The following WWOX variants were observed in gnomAD, a reference collection of about 807,000 sequenced individuals.
WWOX encodes WW domain containing oxidoreductase, also known as WW domain-containing oxidoreductase.
Under a neutral mutation model 46.2 loss-of-function variants are expected in WWOX, and 69 were observed. That is an observed-to-expected ratio of 1.49 (90% confidence interval 1.23 to 1.82). The LOEUF (loss-of-function observed/expected upper bound fraction) is 1.82, where lower values mean the gene tolerates loss of function less well. Ranked by LOEUF, WWOX falls within the 40% of genes most tolerant of loss-of-function variation. WWOX has a pLI of 0.00. For missense variants in WWOX, 919 were observed against 542.6 expected (o/e 1.69, Z -6.89); for synonymous variants, 359 against 202.6 (o/e 1.77, Z -6.56).
At chr16:78,605,285 C>T (rs1171757911) in intron 8 of WWOX, among the ~76,000 whole-genome samples, 1 of 151,800 alleles carries the variant, frequency 6.6e-6, no homozygotes, top group Non-Finnish European at 1.5e-5. Flanking sequence ...TCCTCTTCCT[C>T]TGTCTCCCTC....
chr16:79,189,423 TTGTGTGTGTGTGTGTGTG>T (rs4035319), intron 8 of WWOX, among the ~76,000 whole-genome samples: 1,629 of 114,972 alleles, frequency 0.014, 34 homozygotes, highest in African/African-American at 0.045. Context: ...ACTCCCAGCT[TTGTGTGTGTGTGTGTGTG>T]TGTGTGTGTG....
At chr16:78,771,323 G>C (rs1597583021) in intron 8 of WWOX, among the ~76,000 whole-genome samples, 1 of 152,280 alleles carries the variant, frequency 6.6e-6, no homozygotes, top group South Asian at 2.1e-4. Flanking sequence ...CCAACCCCCA[G>C]CTTCTGTTGA....
At chr16:78,144,514 T>TACACACACACAC (rs1339670888) in intron 4 of WWOX, among the ~76,000 whole-genome samples, 3 of 41,740 alleles carry the variant, frequency 7.2e-5, no homozygotes, top group African/African-American at 2.6e-4. Context: ...TATATATATA[T>TACACACACACAC]ATATATATAT....
chr16:78,352,900 A>G (rs1368014438), intron 5 of WWOX, among the ~76,000 whole-genome samples: 1 of 152,232 alleles, frequency 6.6e-6, no homozygotes, highest in Non-Finnish European at 1.5e-5. Flanking sequence ...ATAGGAGTAT[A>G]GAGAAAAGAT....
chr16:78,475,348 C>T (rs913445559), intron 8 of WWOX, among the ~76,000 whole-genome samples: 3 of 152,122 alleles, frequency 2.0e-5, no homozygotes, highest in Non-Finnish European at 4.4e-5. Flanking sequence ...TGCATCAGCA[C>T]CTTCTTAAAA....
chr16:78,468,385 AT>A (rs2084135028), intron 8 of WWOX, among the ~76,000 whole-genome samples: 1 of 150,842 alleles, frequency 6.6e-6, no homozygotes, highest in Non-Finnish European at 1.5e-5. Flanking sequence ...AACCCCACGT[AT>A]TGTTGCAACG....
chr16:79,102,413 T>C lies in WWOX; in HGVS notation c.1057-109195T>C, dbSNP rs374771418. ...ACTTTTATGAATGTATGGAATATTA[T>C]TGAGCTGGTGTGTGCTAATACACTG... On this transcript the variant is annotated intron_variant, in intron 8 of 8. Transcript: ENST00000566780. 3.3e-5 allele frequency among the ~76,000 whole-genome samples: 5 copies of C among 152,280 alleles called. No individual in the cohort carries two copies. The East Asian group carries it at 7.7e-4, about 24-fold the overall frequency.
intron 8 of WWOX, among the ~76,000 whole-genome samples, chr16:78,508,647 T>C (rs1242788418): frequency 6.6e-6 from 1 of 152,160 alleles, no homozygotes. Flanking sequence ...TTTTGATAAG[T>C]AGTTGAAAGC....
intron 5 of WWOX, among the ~76,000 whole-genome samples, chr16:78,174,880 G>A (rs1001603903): frequency 2.0e-5 from 3 of 151,984 alleles, no homozygotes; most frequent in African/African-American, 7.2e-5. Context: ...CCCAGCTACT[G>A]GGGAGGCTGA....
intron 5 of WWOX, among the ~76,000 whole-genome samples, chr16:78,335,346 C>A (rs189884198): frequency 1.5e-3 from 222 of 152,292 alleles, no homozygotes; most frequent in Non-Finnish European, 1.3e-3. Context: ...TCTCATCATG[C>A]AGCTCCCACT....
At chr16:79,146,953 T>G (rs1047802207) in intron 8 of WWOX, among the ~76,000 whole-genome samples, 1 of 152,236 alleles carries the variant, frequency 6.6e-6, no homozygotes. Flanking sequence ...CATGTAGTTG[T>G]AAGAAATAAT....
chr16:78,355,760 A>C (rs2081272659), intron 5 of WWOX: 1 of 708,082 alleles, frequency 1.4e-6, no homozygotes, highest in African/African-American at 1.8e-5. Flanking sequence ...TGAATCAACA[A>C]AACAGAATAT....
At chr16:78,208,785 G>A (rs192630948) in intron 5 of WWOX, among the ~76,000 whole-genome samples, 18 of 152,332 alleles carry the variant, frequency 1.2e-4, no homozygotes, top group African/African-American at 4.3e-4. Flanking sequence ...AAATTTTGCA[G>A]TGCTGCAGAT....
chr16:78,226,265 C>T (rs891021156), intron 5 of WWOX, among the ~76,000 whole-genome samples: 2 of 152,186 alleles, frequency 1.3e-5, no homozygotes, highest in African/African-American at 4.8e-5. Context: ...AAGCCTGATG[C>T]CTCCCAGCCA....
At position 79,046,098 on chromosome 16, in the gene WWOX, G is replaced by A. The variant is rs939540257; in HGVS notation, c.1057-165510G>A. ...ATTACAGGCATAAGCCACTGCACCC[G>A]GCCACAGTTTTCTTTTCTATATTGT... On this transcript the variant is annotated intron_variant, in intron 8 of 8. Transcript: ENST00000566780. Among the ~76,000 whole-genome samples the A allele has an allele frequency of 6.6e-5, 10 of 152,106 alleles. No individual in the cohort carries two copies. The South Asian group carries it at 1.0e-3, about 16-fold the overall frequency.
chr16:79,212,243 G>C lies in WWOX; in HGVS notation c.*447G>C. ...AGTGTTCACTGCTCCTTGCTGCATTGATCCAGGAGATAATTGTTTCATTCA... is the reference window on the plus strand; with the variant it reads ...AGTGTTCACTGCTCCTTGCTGCATTCATCCAGGAGATAATTGTTTCATTCA... On this transcript the variant is annotated 3_prime_UTR_variant, in exon 9 of 9. Transcript: ENST00000566780. The C allele has an allele frequency of 2.2e-6, 3 of 1,339,436 alleles. No homozygotes were observed. Among genetic ancestry groups the C allele is most frequent in the Non-Finnish European group, 3.0e-6 (3 of 1,013,292 alleles). The allele number at this position is 1,339,436 out of a possible 1,614,324, so 83.0% of individuals were successfully genotyped here.
intron 5 of WWOX, among the ~76,000 whole-genome samples, chr16:78,324,296 G>A (rs1452454079): frequency 6.6e-6 from 1 of 152,120 alleles, no homozygotes; most frequent in South Asian, 2.1e-4. Flanking sequence ...ACAGCAGCAG[G>A]TGTTGCTGGG....
At chr16:78,321,858 G>A (rs530555856) in intron 5 of WWOX, among the ~76,000 whole-genome samples, 69 of 152,122 alleles carry the variant, frequency 4.5e-4, no homozygotes, top group African/African-American at 1.5e-3. Flanking sequence ...GGATGGAGAG[G>A]CATATGATTC....
intron 1 of WWOX, among the ~76,000 whole-genome samples, chr16:78,104,473 T>G (rs186148131): frequency 1.3e-5 from 2 of 152,140 alleles, no homozygotes; most frequent in African/African-American, 2.4e-5. Flanking sequence ...CACTGTACTC[T>G]AGCCTGGGCC....
Sources: allele counts gnomAD v4.1 joint callset (sites outside exome capture counted in the v4.1 genomes callset), GRCh38; gene constraint gnomAD v4.1.1; transcripts MANE v1.5; gene names NCBI Gene and HGNC (gene_info 2026-07-23, HGNC 2026-07-21).